SLCO3A1: variants seen among roughly 807,000 people sequenced by gnomAD.
SLCO3A1 encodes solute carrier organic anion transporter family member 3A1, also known as PGE1 transporter.
In SLCO3A1, 27 loss-of-function variants were observed where a neutral mutation model predicts 63.1. That is an observed-to-expected ratio of 0.43 (90% CI 0.32 to 0.59). The LOEUF is 0.59. SLCO3A1 is among the 20% of genes least tolerant of loss of function. The pLI is 0.09. For missense variants in SLCO3A1, 773 were observed against 945.8 expected (o/e 0.82, Z 2.40); for synonymous variants, 473 against 409.9 (o/e 1.15, Z -1.86).
chr15:91,949,893 G>C (rs1459923967), intron 2 of SLCO3A1, among the ~76,000 whole-genome samples: 1 of 152,138 alleles, frequency 6.6e-6, no homozygotes, highest in African/African-American at 2.4e-5. Flanking sequence ...TGTGTTTCCA[G>C]CTACTCGGGA....
At chr15:91,987,770 T>C (rs2046073032) in intron 2 of SLCO3A1, among the ~76,000 whole-genome samples, 1 of 150,156 alleles carries the variant, frequency 6.7e-6, no homozygotes, top group Non-Finnish European at 1.5e-5. Flanking sequence ...TAATAATAAT[T>C]AATTGTGGTC....
chr15:91,986,193 TC>T (rs1401020664), intron 2 of SLCO3A1, among the ~76,000 whole-genome samples: 1 of 152,158 alleles, frequency 6.6e-6, no homozygotes, highest in Non-Finnish European at 1.5e-5. Context: ...ATTTGCCCTT[TC>T]CTCGGCTACT....
chr15:92,103,665 C>G (rs2046234224), intron 3 of SLCO3A1, among the ~76,000 whole-genome samples: 1 of 152,056 alleles, frequency 6.6e-6, no homozygotes, highest in South Asian at 2.1e-4. Context: ...CCACTAAGTA[C>G]TGCCATCATC....
chr15:91,855,653 G>C (rs529623975), intron 1 of SLCO3A1, among the ~76,000 whole-genome samples: 1 of 152,126 alleles, frequency 6.6e-6, no homozygotes, highest in Non-Finnish European at 1.5e-5. Context: ...TGTGTTTTGG[G>C]AGTCAGTTTA....
chr15:91,980,857 T>A (rs1000540331), intron 2 of SLCO3A1, among the ~76,000 whole-genome samples: 3 of 152,186 alleles, frequency 2.0e-5, no homozygotes, highest in African/African-American at 7.2e-5. Flanking sequence ...AAGACTCCAG[T>A]GCACCGTGAT....
At chr15:92,114,753 T>C (rs1473606511) in intron 4 of SLCO3A1, among the ~76,000 whole-genome samples, 1 of 152,178 alleles carries the variant, frequency 6.6e-6, no homozygotes, top group African/African-American at 2.4e-5. Context: ...CAACTCAACA[T>C]TCAGAAAAAC....
intron 9 of SLCO3A1, among the ~76,000 whole-genome samples, chr15:92,155,929 CCCTGCCTCTTAATTTTCCAG>C (rs1185949762): frequency 1.3e-5 from 2 of 152,138 alleles, no homozygotes; most frequent in Non-Finnish European, 2.9e-5. Context: ...CATACACTGA[CCCTGCCTCTTAATTTTCCAG>C]CCTGCCCGCC....
intron 3 of SLCO3A1, among the ~76,000 whole-genome samples, chr15:92,098,851 A>G (rs1044674544): frequency 8.5e-5 from 13 of 152,214 alleles, no homozygotes; most frequent in Non-Finnish European, 1.9e-4. Context: ...TTACTCATGC[A>G]AAGCATTTAG....
At chr15:91,895,619 G>T (rs1322830520) in intron 1 of SLCO3A1, among the ~76,000 whole-genome samples, 1 of 152,172 alleles carries the variant, frequency 6.6e-6, no homozygotes, top group Admixed American at 6.5e-5. Context: ...AGCCAATACT[G>T]TTGATTCATA....
intron 4 of SLCO3A1, among the ~76,000 whole-genome samples, chr15:92,119,440 T>C (rs16946421): frequency 0.8 from 121,662 of 152,136 alleles, 49,949 homozygotes; most frequent in Non-Finnish European, 0.9. Context: ...ATCACCAGCT[T>C]TCATAGAAGC....
At chr15:92,084,064 T>C (rs948340309) in intron 2 of SLCO3A1, among the ~76,000 whole-genome samples, 2 of 152,218 alleles carry the variant, frequency 1.3e-5, no homozygotes, top group Non-Finnish European at 1.5e-5. Flanking sequence ...TGTGCTGCTT[T>C]TAAAATGAAG....
chr15:92,146,116 GTTTTCACTTTGTATTCA>G (rs2048218921), intron 7 of SLCO3A1, among the ~76,000 whole-genome samples: 1 of 152,282 alleles, frequency 6.6e-6, no homozygotes, highest in South Asian at 2.1e-4. Context: ...ATTTATGATT[GTTTTCACTTTGTATTCA>G]TTAAAGGCCT....
rs148420659 is a variant in SLCO3A1, at chr15:92,092,191, C to T, written c.647-2690C>T. Among the ~76,000 whole-genome samples, 351 of 152,268 alleles carry T rather than the reference C, an allele frequency of 2.3e-3. 3 individuals are homozygous for T. The highest frequency in any genetic ancestry group is 7.7e-3 in the African/African-American group (319 of 41,568). ...AAGCATGGGGATAACAGCACAGTCT[C>T]GATGCAACCCCTTCAGCTTGTTGGT... is the stretch of plus-strand genomic sequence containing the variant. On this transcript the variant is annotated intron_variant, in intron 2 of 9. Transcript: ENST00000318445.
chr15:91,904,480 T>C (rs55772252), intron 1 of SLCO3A1, among the ~76,000 whole-genome samples: 9,643 of 152,264 alleles, frequency 0.063, 434 homozygotes, highest in Non-Finnish European at 0.097. Flanking sequence ...CTGCAAGGAA[T>C]GGACTAGATC....
intron 2 of SLCO3A1, among the ~76,000 whole-genome samples, chr15:91,989,441 G>A (rs28448579): frequency 0.021 from 3,175 of 152,272 alleles, 109 homozygotes; most frequent in African/African-American, 0.071. Flanking sequence ...TTGTATGTCC[G>A]TAGTAAATAT....
intron 5 of SLCO3A1, among the ~76,000 whole-genome samples, chr15:92,121,119 A>C (rs541847767): frequency 1.3e-5 from 2 of 152,200 alleles, no homozygotes; most frequent in African/African-American, 2.4e-5. Flanking sequence ...ATGGCTTTAC[A>C]GTTCTTTAAA....
intron 7 of SLCO3A1, among the ~76,000 whole-genome samples, chr15:92,129,344 G>C (rs1050757891): frequency 1.3e-5 from 2 of 152,112 alleles, no homozygotes; most frequent in African/African-American, 4.8e-5. Flanking sequence ...CCTCCTTTCA[G>C]TTTGTGGTGT....
chr15:92,004,774 G>A (rs558007049), intron 2 of SLCO3A1, among the ~76,000 whole-genome samples: 5 of 152,142 alleles, frequency 3.3e-5, no homozygotes, highest in African/African-American at 1.2e-4. Context: ...CATTAGTCCC[G>A]ACTGAAATCT....
chr15:91,926,415 C>T (rs1899011712), intron 2 of SLCO3A1, among the ~76,000 whole-genome samples: 1 of 152,110 alleles, frequency 6.6e-6, no homozygotes, highest in Non-Finnish European at 1.5e-5. Flanking sequence ...AAAATATAAC[C>T]AATCCTGGCT....
Sources: gnomAD v4.1 joint callset for allele counts (sites outside exome capture counted in the v4.1 genomes callset) on GRCh38, gnomAD v4.1.1 for gene constraint, MANE v1.5 for transcripts, NCBI Gene and HGNC (gene_info 2026-07-23, HGNC 2026-07-21) for gene names.